ZCCHC8: variants seen among roughly 807,000 people sequenced by gnomAD.
ZCCHC8 encodes the protein zinc finger CCHC-type containing 8, also known as zinc finger CCHC domain-containing protein 8.
In ZCCHC8, 27 loss-of-function variants were observed where a neutral mutation model predicts 70.6. The ratio of observed to expected loss-of-function variants is 0.38; its 90% confidence interval spans 0.28 to 0.53. The LOEUF (loss-of-function observed/expected upper bound fraction) is 0.53. Among genes scored for constraint, ZCCHC8 ranks in the 20% least tolerant of loss-of-function variants. ZCCHC8 has a pLI of 0.81. For synonymous variants in ZCCHC8, 293 were observed against 317.4 expected, an observed-to-expected ratio of 0.92 and a Z score of 0.82; for missense variants, 737 against 876.9, an observed-to-expected ratio of 0.84 and a Z score of 2.01.
At position 122,473,782 on chromosome 12, in the gene ZCCHC8, C is replaced by A. The variant is rs760806944; in HGVS notation, c.1839G>T (p.Glu613Asp). The change falls in exon 14 of 14, where the codon GAG becomes GAT. Residue 613 changes from glutamate (E) to aspartate (D), a missense_variant. Coordinates refer to ENST00000633063, the MANE Select transcript of ZCCHC8 (RefSeq NM_017612.5). Reference protein sequence around the residue: ...VTSLCQKEKAELAPVNTEGAL... With the variant: ...VTSLCQKEKADLAPVNTEGAL... ...CACCTTCAGTGTTTACCGGAGCCAA[C>A]TCTGCTTTTTCCTTCTGACAAAGTG... 2 of 1,613,156 alleles carry A rather than the reference C, an allele frequency of 1.2e-6. No individual in the cohort carries two copies. Among genetic ancestry groups the A allele is most frequent in the Non-Finnish European group, 1.7e-6 (2 of 1,179,306 alleles).
chr12:122,497,291 C>T (rs1957841346), intron 2 of ZCCHC8, among the ~76,000 whole-genome samples: 2 of 152,086 alleles, frequency 1.3e-5, no homozygotes, highest in African/African-American at 2.4e-5. Context: ...CTGTTAATTC[C>T]AGCACTTTGG....
intron 11 of ZCCHC8, among the ~76,000 whole-genome samples, chr12:122,478,802 G>A (rs1244223813): frequency 2.0e-5 from 3 of 152,144 alleles, no homozygotes; most frequent in Non-Finnish European, 4.4e-5. Flanking sequence ...GAACTCTTGT[G>A]AAACATACAG....
At chr12:122,481,768 T>C (rs1282688700) in intron 9 of ZCCHC8, 104 bp from the exon 10 acceptor site, 1 of 1,398,104 alleles carries the variant, frequency 7.2e-7, no homozygotes, top group East Asian at 2.5e-5. Context: ...TTACATACCA[T>C]GACGTCTAAC....
At chr12:122,492,946 C>T (rs1332086960) in intron 2 of ZCCHC8, among the ~76,000 whole-genome samples, 157 bp from the exon 3 acceptor site, 1 of 152,086 alleles carries the variant, frequency 6.6e-6, no homozygotes, top group Non-Finnish European at 1.5e-5. Context: ...TCTTGGATCA[C>T]TGCAACCTCC....
Position 122,473,671 on chromosome 12 carries a change from A to C in ZCCHC8, c.1950T>G (p.Pro650=). 2.5e-6 allele frequency: 4 copies of C among 1,614,006 alleles called. No homozygotes were observed. Among genetic ancestry groups the C allele is most frequent in the Non-Finnish European group, 3.4e-6 (4 of 1,179,900 alleles). Residue 650 remains proline (P), a synonymous_variant, in exon 14 of 14, where the codon CCT becomes CCG. Coordinates refer to ENST00000633063, the MANE Select transcript of ZCCHC8 (RefSeq NM_017612.5). ...GGCTATGAATTTTAGTGGCCGTTGA[A>C]GGACTGGTGTCTGCAGGAAAGAGCT... ...SQKLFPADTS[P]STATKIHSPI...
In ZCCHC8 at chr12:122,500,797, G is replaced by T; in HGVS notation, c.44C>A (p.Pro15Gln). ...VYFGDLELFEPFDHPEESIPK... is the reference protein window; with the variant it reads ...VYFGDLELFEQFDHPEESIPK... ...AATCGACTCCTCTGGGTGGTCGAAC[G>T]GCTCGAAGAGCTCTAGATCGCCAAA... Residue 15 changes from proline (P) to glutamine (Q), a missense_variant, in exon 1 of 14, where the codon CCG becomes CAG. Transcript: ENST00000633063. The surrounding 1 kb of genome is among the most constrained non-coding windows in gnomAD (Gnocchi z 4.8). 1 of 1,583,622 alleles carries T rather than the reference G, an allele frequency of 6.3e-7. No individual in the cohort carries two copies. The highest frequency in any genetic ancestry group is 8.6e-7 in the Non-Finnish European group (1 of 1,165,848).
rs1419901059 is a variant in ZCCHC8 at position 122,483,876 on chromosome 12, T to C, written c.502-313A>G. On this transcript the variant is annotated intron_variant, in intron 5 of 13. Coordinates refer to ENST00000633063, the MANE Select transcript of ZCCHC8 (RefSeq NM_017612.5). The surrounding 1 kb of genome is among the most constrained non-coding windows in gnomAD (Gnocchi z 4.4). Reference sequence around the variant, plus strand: ...CAATGCCCCATTTCATTGCTTCTCTTTGCAAGACATGCAGACCCTTTAGTT... The same window carrying C: ...CAATGCCCCATTTCATTGCTTCTCTCTGCAAGACATGCAGACCCTTTAGTT... 1 of 248,598 alleles carries C rather than the reference T, an allele frequency of 4.0e-6. No individual in the cohort carries two copies. Among genetic ancestry groups the C allele is most frequent in the Non-Finnish European group, 7.7e-6 (1 of 129,932 alleles). 15.4% of individuals were successfully genotyped at this position (248,598 alleles called of 1,614,324 possible).
chr12:122,477,738 C>T (rs1157146776), intron 13 of ZCCHC8, 103 bp downstream of exon 13: 29 of 881,458 alleles, frequency 3.3e-5, no homozygotes, highest in Non-Finnish European at 4.3e-5. Flanking sequence ...TGCGGTGAGC[C>T]GAGATCACGC....
chr12:122,474,785 A>ATT (rs767106400), intron 13 of ZCCHC8, among the ~76,000 whole-genome samples: 50,684 of 141,572 alleles, frequency 0.36, 10,709 homozygotes, highest in Non-Finnish European at 0.45. Context: ...CCCAGGCTGG[A>ATT]GTGCAGTGGC....
At chr12:122,492,895 G>T in intron 2 of ZCCHC8, 106 bp from the exon 3 acceptor site, 1 of 763,914 alleles carries the variant, frequency 1.3e-6, no homozygotes. Flanking sequence ...TTTTGACACA[G>T]GTTCTCACTC....
At chr12:122,475,016 T>C (rs191970996) in intron 13 of ZCCHC8, among the ~76,000 whole-genome samples, 15 of 151,722 alleles carry the variant, frequency 9.9e-5, no homozygotes, top group African/African-American at 2.9e-4. Flanking sequence ...ATTATAGGCA[T>C]GAGCAACTGC....
intron 5 of ZCCHC8, among the ~76,000 whole-genome samples, chr12:122,484,585 G>A (rs1050975022): frequency 6.6e-6 from 1 of 151,238 alleles, no homozygotes; most frequent in African/African-American, 2.4e-5. Flanking sequence ...TTGAGATGGG[G>A]TCTTGCTATG....
At chr12:122,486,749 T>C (rs1271194105) in intron 5 of ZCCHC8, among the ~76,000 whole-genome samples, 1 of 152,140 alleles carries the variant, frequency 6.6e-6, no homozygotes, top group East Asian at 1.9e-4. Context: ...TTTGTATTTT[T>C]AGTAGAGATG....
In ZCCHC8 at chr12:122,492,760, T is replaced by A; in HGVS notation, c.272A>T (p.Asp91Val). 6.5e-7 allele frequency: 1 copy of A among 1,548,394 alleles called. No homozygotes were observed. The highest frequency in any genetic ancestry group is 8.8e-7 in the Non-Finnish European group (1 of 1,141,416). ...SGILVNDTKLDGPILQILFMN... is the reference protein window; with the variant it reads ...SGILVNDTKLVGPILQILFMN... The stretch of plus-strand genomic sequence containing the variant: ...GAATAGAATCTGTAATATAGGTCCA[T>A]CTAACTTAGTATCGTTCACCAATAT... The change falls in exon 3 of 14, where the codon GAT (aspartate) becomes GTT (valine). Residue 91 changes from aspartate to valine, a missense_variant. By Grantham distance (152) the Asp-to-Val change is radical. Coordinates refer to ENST00000633063, the MANE Select transcript of ZCCHC8 (RefSeq NM_017612.5).
chr12:122,480,143 T>C, intron 11 of ZCCHC8, 47 bp downstream of exon 11: 13 of 1,484,332 alleles, frequency 8.8e-6, no homozygotes, highest in Non-Finnish European at 1.1e-5. Flanking sequence ...ATCTTTAACA[T>C]AATAATATCA....
At chr12:122,492,032 G>T (rs1039751878) in intron 3 of ZCCHC8, 1 of 152,194 alleles carries the variant, frequency 6.6e-6, no homozygotes, top group Non-Finnish European at 1.5e-5. Context: ...ACTTCTGCTG[G>T]GATAGAGTAG....
intron 2 of ZCCHC8, among the ~76,000 whole-genome samples, chr12:122,497,199 T>G (rs1957839218): frequency 6.6e-6 from 1 of 151,980 alleles, no homozygotes; most frequent in South Asian, 2.1e-4. Flanking sequence ...AATTTAAACC[T>G]GTAGTCACCA....
intron 9 of ZCCHC8, 56 bp downstream of exon 9, chr12:122,481,889 C>T: frequency 2.5e-6 from 4 of 1,573,068 alleles, no homozygotes; most frequent in Non-Finnish European, 3.5e-6. Flanking sequence ...AGACACAGAA[C>T]ATTCCAAATG....
intron 8 of ZCCHC8, 27 bp from the exon 9 acceptor site, chr12:122,482,114 T>A: frequency 6.4e-7 from 1 of 1,573,170 alleles, no homozygotes; most frequent in Non-Finnish European, 8.6e-7. Flanking sequence ...TTGAAAAGAA[T>A]GGTTTCATGC....
Sources: allele counts gnomAD v4.1 joint callset (sites outside exome capture counted in the v4.1 genomes callset), GRCh38; gene constraint gnomAD v4.1.1; non-coding constraint Gnocchi (gnomAD v3.1); transcripts MANE v1.5; gene names NCBI Gene and HGNC (gene_info 2026-07-23, HGNC 2026-07-21).